FBXL7: variants seen among roughly 807,000 people sequenced by gnomAD.
FBXL7 encodes F-box/LRR-repeat protein 7.
A neutral mutation model predicts 38.3 loss-of-function variants in FBXL7; 12 were observed. That is an observed-to-expected ratio of 0.31 (90% CI 0.20 to 0.51). The LOEUF (loss-of-function observed/expected upper bound fraction) is 0.51. FBXL7 is among the 20% of genes least tolerant of loss of function. The pLI is 0.98. For synonymous variants in FBXL7, 297 were observed against 300.9 expected (o/e 0.99, Z 0.13); for missense variants, 567 against 676.4 (o/e 0.84, Z 1.79).
At position 15,675,033 on chromosome 5, in the gene FBXL7, C is replaced by T. The variant is rs971949445; in HGVS notation, c.127+58961C>T. ...CAAGACCTCCTTGAACTGCCACAGGCGAGGTCAAATAGATTATCTGCATTT... is the reference window on the plus strand; with the variant it reads ...CAAGACCTCCTTGAACTGCCACAGGTGAGGTCAAATAGATTATCTGCATTT... On this transcript the variant is annotated intron_variant, in intron 2 of 3. Transcript: ENST00000504595. Among the ~76,000 whole-genome samples, 5 of 152,026 alleles carry T rather than the reference C, an allele frequency of 3.3e-5. No homozygotes were observed. The South Asian group carries it at 6.2e-4, about 19-fold the overall frequency.
chr5:15,758,586 A>T (rs1736360507), intron 2 of FBXL7, among the ~76,000 whole-genome samples: 1 of 152,186 alleles, frequency 6.6e-6, no homozygotes, highest in Non-Finnish European at 1.5e-5. Flanking sequence ...ACCATTTTGC[A>T]ACAATTAACA....
intron 1 of FBXL7, among the ~76,000 whole-genome samples, chr5:15,517,381 C>T (rs1736972195): frequency 6.6e-6 from 1 of 152,186 alleles, no homozygotes; most frequent in South Asian, 2.1e-4. Flanking sequence ...AGACGCCAGC[C>T]TGGCCGTGGT....
intron 2 of FBXL7, among the ~76,000 whole-genome samples, chr5:15,882,148 T>C (rs539869397): frequency 9.2e-5 from 14 of 152,236 alleles, no homozygotes; most frequent in African/African-American, 3.1e-4. Flanking sequence ...GCCCCCATGA[T>C]CCAATCACCT....
At chr5:15,578,894 G>A (rs573598589) in intron 1 of FBXL7, among the ~76,000 whole-genome samples, 2 of 152,338 alleles carry the variant, frequency 1.3e-5, no homozygotes, top group East Asian at 3.9e-4. Flanking sequence ...TCCATGACAT[G>A]GAACATTTTG....
At chr5:15,884,733 G>C (rs1168069012) in intron 2 of FBXL7, among the ~76,000 whole-genome samples, 1 of 152,162 alleles carries the variant, frequency 6.6e-6, no homozygotes, top group Non-Finnish European at 1.5e-5. Flanking sequence ...TTGGTATAAA[G>C]TCTTTATTTC....
chr5:15,772,411 A>G (rs181601805), intron 2 of FBXL7, among the ~76,000 whole-genome samples: 29 of 152,328 alleles, frequency 1.9e-4, no homozygotes, highest in African/African-American at 6.7e-4. Flanking sequence ...TTTCTTGGCT[A>G]GAGAAGAGAC....
chr5:15,680,195 T>TGGGAAGA (rs1742798282), intron 2 of FBXL7, among the ~76,000 whole-genome samples: 1 of 152,204 alleles, frequency 6.6e-6, no homozygotes, highest in Non-Finnish European at 1.5e-5. Context: ...AGGCAGCTCT[T>TGGGAAGA]CCCAAAGACA....
intron 2 of FBXL7, among the ~76,000 whole-genome samples, chr5:15,767,655 T>C (rs1436863661): frequency 6.6e-6 from 1 of 152,220 alleles, no homozygotes; most frequent in Admixed American, 6.5e-5. Flanking sequence ...CCTGGAGAAC[T>C]TCTGTTTTTA....
At chr5:15,720,981 A>C (rs1744180621) in intron 2 of FBXL7, among the ~76,000 whole-genome samples, 1 of 152,240 alleles carries the variant, frequency 6.6e-6, no homozygotes, top group South Asian at 2.1e-4. Context: ...TCATAGTACA[A>C]CTTACTCTGC....
intron 2 of FBXL7, among the ~76,000 whole-genome samples, chr5:15,891,496 T>C (rs11957872): frequency 2.6e-3 from 402 of 152,302 alleles, no homozygotes; most frequent in African/African-American, 9.1e-3. Context: ...GACTCTGTAA[T>C]AGGAACTGGA....
intron 2 of FBXL7, among the ~76,000 whole-genome samples, chr5:15,806,508 A>G (rs1055844589): frequency 9.2e-5 from 14 of 152,194 alleles, no homozygotes; most frequent in African/African-American, 3.1e-4. Context: ...GTGTATGGGA[A>G]GGCATTTAAA....
chr5:15,926,097 G>T (rs1741870330), intron 2 of FBXL7, among the ~76,000 whole-genome samples: 1 of 152,080 alleles, frequency 6.6e-6, no homozygotes, highest in Admixed American at 6.6e-5. Flanking sequence ...TTCAACCTGG[G>T]ATATGTTAAA....
intron 2 of FBXL7, among the ~76,000 whole-genome samples, chr5:15,624,951 G>A (rs1263899357): frequency 6.8e-6 from 1 of 146,732 alleles, no homozygotes; most frequent in Non-Finnish European, 1.5e-5. Context: ...TTCCTCTCTT[G>A]CCACTTGATC....
chr5:15,914,906 G>A (rs1279447715), intron 2 of FBXL7, among the ~76,000 whole-genome samples: 4 of 152,190 alleles, frequency 2.6e-5, no homozygotes, highest in African/African-American at 4.8e-5. Flanking sequence ...GGCACTCTGT[G>A]CAAAGGGCTA....
chr5:15,722,969 A>T (rs1744244050), intron 2 of FBXL7, among the ~76,000 whole-genome samples: 1 of 151,914 alleles, frequency 6.6e-6, no homozygotes, highest in Admixed American at 6.6e-5. Flanking sequence ...CCTGGAAAAA[A>T]ATCACAGTTA....
chr5:15,599,645 GGTACAGAAATAGATGTTGAGAAGCAT>G (rs1341696097), intron 1 of FBXL7, among the ~76,000 whole-genome samples: 1 of 152,120 alleles, frequency 6.6e-6, no homozygotes, highest in Non-Finnish European at 1.5e-5. Flanking sequence ...CCCAATCAGA[GGTACAGAAATAGATGTTGAGAAGCAT>G]TAAGGTAGCT....
chr5:15,558,400 C>G (rs1226540553), intron 1 of FBXL7, among the ~76,000 whole-genome samples: 1 of 152,190 alleles, frequency 6.6e-6, no homozygotes, highest in Non-Finnish European at 1.5e-5. Context: ...TCTTTCAAAC[C>G]TTAGAGCACA....
chr5:15,695,300 G>A (rs1743301183), intron 2 of FBXL7, among the ~76,000 whole-genome samples: 1 of 151,992 alleles, frequency 6.6e-6, no homozygotes, highest in Non-Finnish European at 1.5e-5. Context: ...GGACACCAAG[G>A]ATGGAAGGAA....
intron 2 of FBXL7, among the ~76,000 whole-genome samples, chr5:15,784,955 T>C (rs1335746803): frequency 6.6e-6 from 1 of 152,234 alleles, no homozygotes; most frequent in African/African-American, 2.4e-5. Context: ...CATATGTCAC[T>C]GCCATCATTT....
Sources: allele counts gnomAD v4.1 joint callset (sites outside exome capture counted in the v4.1 genomes callset), GRCh38; gene constraint gnomAD v4.1.1; transcripts MANE v1.5; gene names NCBI Gene and HGNC (gene_info 2026-07-23, HGNC 2026-07-21).